Variants in SEMA3E observed in about 807,000 individuals in gnomAD.
SEMA3E encodes semaphorin-3E.
SEMA3E carries 49 observed loss-of-function variants against 93.6 expected under a neutral mutation model. That is an observed-to-expected ratio of 0.52 (90% CI 0.42 to 0.66). The LOEUF is 0.66. Among genes scored for constraint, SEMA3E ranks in the 30% least tolerant of loss-of-function variants. SEMA3E has a pLI of 0.00. For synonymous variants in SEMA3E, 363 were observed against 330.7 expected (o/e 1.10, Z -1.06); for missense variants, 906 against 964.8 (o/e 0.94, Z 0.81).
chr7:83,453,758 A>C (rs1002600447), intron 4 of SEMA3E, among the ~76,000 whole-genome samples: 13 of 152,160 alleles, frequency 8.5e-5, no homozygotes, highest in African/African-American at 3.1e-4. Context: ...CAAAAAGTTT[A>C]TAAAAGTATC....
At chr7:83,511,007 T>C (rs1790805904) in intron 1 of SEMA3E, among the ~76,000 whole-genome samples, 1 of 152,158 alleles carries the variant, frequency 6.6e-6, no homozygotes, top group South Asian at 2.1e-4. Flanking sequence ...ATCACTCAGA[T>C]TTATTATAAT....
chr7:83,387,749 C>A (rs1461246077), intron 14 of SEMA3E, among the ~76,000 whole-genome samples: 1 of 149,038 alleles, frequency 6.7e-6, no homozygotes, highest in Non-Finnish European at 1.5e-5. Context: ...GTTTTAATTT[C>A]ATAGATTGTT....
chr7:83,592,436 T>G (rs2115950301), intron 1 of SEMA3E, among the ~76,000 whole-genome samples: 1 of 147,264 alleles, frequency 6.8e-6, no homozygotes, highest in African/African-American at 2.5e-5. Flanking sequence ...TTTATGTAAT[T>G]TTAAAATAAC....
At chr7:83,548,494 C>T (rs749214502) in intron 1 of SEMA3E, among the ~76,000 whole-genome samples, 2 of 151,984 alleles carry the variant, frequency 1.3e-5, no homozygotes, top group African/African-American at 2.4e-5. Context: ...GAGTTTCAGT[C>T]GTGTGCATTA....
At chr7:83,622,968 T>C (rs540294183) in intron 1 of SEMA3E, among the ~76,000 whole-genome samples, 1 of 152,096 alleles carries the variant, frequency 6.6e-6, no homozygotes, top group South Asian at 2.1e-4. Context: ...ATCCCGCACA[T>C]GTACCTTGGA....
At chr7:83,553,111 C>T (rs1365486642) in intron 1 of SEMA3E, among the ~76,000 whole-genome samples, 1 of 152,170 alleles carries the variant, frequency 6.6e-6, no homozygotes, top group Admixed American at 6.5e-5. Flanking sequence ...AGGTGGGCAT[C>T]ACAGTCCTAC....
intron 1 of SEMA3E, among the ~76,000 whole-genome samples, chr7:83,643,082 G>T (rs758489757): frequency 1.5e-4 from 23 of 151,988 alleles, no homozygotes; most frequent in Non-Finnish European, 3.2e-4. Flanking sequence ...TGAGCAGATT[G>T]TTAGCAATAA....
At chr7:83,395,574 G>T (rs1347408740) in intron 12 of SEMA3E, among the ~76,000 whole-genome samples, 1 of 152,136 alleles carries the variant, frequency 6.6e-6, no homozygotes, top group East Asian at 1.9e-4. Context: ...GATGAAACAA[G>T]GTGTCACTCT....
At chr7:83,560,499 T>G in intron 1 of SEMA3E, among the ~76,000 whole-genome samples, 1 of 152,198 alleles carries the variant, frequency 6.6e-6, no homozygotes, top group East Asian at 1.9e-4. Flanking sequence ...TTCAGAGAAA[T>G]TTTGTGTGAT....
At chr7:83,444,356 C>T (rs900685920) in intron 4 of SEMA3E, among the ~76,000 whole-genome samples, 1 of 152,146 alleles carries the variant, frequency 6.6e-6, no homozygotes, top group Non-Finnish European at 1.5e-5. Flanking sequence ...GTCTCTTCCT[C>T]TTGTCAAGAG....
intron 1 of SEMA3E, among the ~76,000 whole-genome samples, chr7:83,586,885 T>C (rs1383763891): frequency 1.3e-5 from 2 of 152,052 alleles, no homozygotes; most frequent in East Asian, 3.9e-4. Flanking sequence ...TGCATGAAGA[T>C]AGAGAAAAGA....
intron 1 of SEMA3E, among the ~76,000 whole-genome samples, chr7:83,647,371 T>C: frequency 6.6e-6 from 1 of 152,160 alleles, no homozygotes; most frequent in East Asian, 1.9e-4. Flanking sequence ...GCTTCTGTTC[T>C]TTCTACAGTG....
intron 1 of SEMA3E, among the ~76,000 whole-genome samples, chr7:83,626,965 C>A (rs768118959): frequency 3.0e-4 from 45 of 151,394 alleles, no homozygotes; most frequent in Non-Finnish European, 5.6e-4. Context: ...CGTTATTTAC[C>A]CACTAGTCAT....
chr7:83,417,394 A>G (rs1045519212), intron 5 of SEMA3E, among the ~76,000 whole-genome samples: 1 of 152,166 alleles, frequency 6.6e-6, no homozygotes, highest in Non-Finnish European at 1.5e-5. Flanking sequence ...CTCTAAATCA[A>G]GTATAATATG....
chr7:83,438,683 G>T (rs1220380184), intron 4 of SEMA3E, among the ~76,000 whole-genome samples: 1 of 151,560 alleles, frequency 6.6e-6, no homozygotes, highest in Non-Finnish European at 1.5e-5. Context: ...CACCATAACG[G>T]TCTCTTAGAA....
At chr7:83,476,014 T>A (rs1722329856) in intron 2 of SEMA3E, among the ~76,000 whole-genome samples, 1 of 152,164 alleles carries the variant, frequency 6.6e-6, no homozygotes, top group African/African-American at 2.4e-5. Context: ...ATTTTCTCTA[T>A]CTAGGATAGC....
intron 4 of SEMA3E, among the ~76,000 whole-genome samples, chr7:83,440,726 C>A (rs1031737525): frequency 2.0e-5 from 3 of 151,294 alleles, no homozygotes; most frequent in Non-Finnish European, 2.9e-5. Flanking sequence ...GGCTTGAACC[C>A]AGGAGGTGGA....
chr7:83,553,377 A>T (rs892219301), intron 1 of SEMA3E, among the ~76,000 whole-genome samples: 1 of 151,962 alleles, frequency 6.6e-6, no homozygotes, highest in Non-Finnish European at 1.5e-5. Context: ...CCCACACATA[A>T]CTCCCTACAG....
intron 6 of SEMA3E, among the ~76,000 whole-genome samples, chr7:83,408,045 TGATAAAAGTA>T (rs1788360860): frequency 1.3e-5 from 2 of 152,258 alleles, no homozygotes; most frequent in Non-Finnish European, 2.9e-5. Context: ...TTATATCAAT[TGATAAAAGTA>T]GACAAAACAG....
Sources: gnomAD v4.1 joint callset for allele counts (sites outside exome capture counted in the v4.1 genomes callset) on GRCh38, gnomAD v4.1.1 for gene constraint, MANE v1.5 for transcripts, NCBI Gene and HGNC (gene_info 2026-07-23, HGNC 2026-07-21) for gene names.